The following RASGRF1 variants were observed in gnomAD, a reference collection of about 807,000 sequenced individuals.
RASGRF1 encodes the protein Ras protein specific guanine nucleotide releasing factor 1, also known as ras-specific guanine nucleotide-releasing factor 1.
RASGRF1 carries 40 observed loss-of-function variants against 138.7 expected under a neutral mutation model. The observed-to-expected ratio is 0.29, with a 90% CI of 0.22 to 0.38. The LOEUF is 0.38. Among genes scored for constraint, RASGRF1 ranks in the 10% least tolerant of loss-of-function variants. The pLI is 1.00. For missense variants in RASGRF1, 1,108 were observed against 1,650.4 expected (o/e 0.67, Z 5.69); for synonymous variants, 614 against 663.2 (o/e 0.93, Z 1.14).
At chr15:79,085,097 T>A (rs1341224142) in intron 1 of RASGRF1, among the ~76,000 whole-genome samples, 1 of 152,212 alleles carries the variant, frequency 6.6e-6, no homozygotes, top group Non-Finnish European at 1.5e-5. Context: ...GGTTTGCAAC[T>A]GGCCAAATAC....
chr15:79,029,040 A>G lies in RASGRF1; in HGVS notation c.1263-1181T>C, dbSNP rs75570743. ...TGCCTGGCATGTGACAGCTGCTTAA[A>G]TAAAGGGTAGTGGTGATTGTTGTTG... On this transcript the variant is annotated intron_variant, in intron 8 of 26. Coordinates refer to ENST00000558480, the MANE Select transcript of RASGRF1 (RefSeq NM_001145648.3). Among the ~76,000 whole-genome samples, 458 of 152,372 alleles carry G rather than the reference A, an allele frequency of 3.0e-3. 2 individuals are homozygous for G. The highest frequency in any genetic ancestry group is 8.3e-3 in the African/African-American group (344 of 41,582).
intron 4 of RASGRF1, among the ~76,000 whole-genome samples, chr15:79,048,257 T>G (rs77451519): frequency 0.05 from 7,543 of 152,070 alleles, 674 homozygotes; most frequent in East Asian, 0.4. Flanking sequence ...TGAGGCTAGC[T>G]GGGGGTGGGG....
chr15:79,015,468 C>G, intron 12 of RASGRF1, 59 bp from the exon 13 acceptor site: 1 of 1,479,722 alleles, frequency 6.8e-7, no homozygotes, highest in South Asian at 1.1e-5. Context: ...CCAGGCCCAC[C>G]AGGAGCTCTG....
chr15:79,041,336 T>C (rs181398232), intron 5 of RASGRF1, among the ~76,000 whole-genome samples: 2 of 152,364 alleles, frequency 1.3e-5, no homozygotes, highest in East Asian at 3.9e-4. Context: ...CGAATGGTGC[T>C]CCCAGAATTG....
intron 1 of RASGRF1, among the ~76,000 whole-genome samples, chr15:79,088,380 G>T (rs1309472777): frequency 6.6e-6 from 1 of 152,136 alleles, no homozygotes; most frequent in African/African-American, 2.4e-5. Flanking sequence ...TTAATGTAGG[G>T]CTCTCAAAAC....
chr15:79,020,310 G>A (rs1044567173), intron 10 of RASGRF1, among the ~76,000 whole-genome samples: 4 of 152,244 alleles, frequency 2.6e-5, no homozygotes, highest in African/African-American at 9.6e-5. Context: ...CAATGAAGTG[G>A]GTCAAAGGAG....
At chr15:79,056,086 G>A (rs556391077) in intron 3 of RASGRF1, among the ~76,000 whole-genome samples, 2 of 152,244 alleles carry the variant, frequency 1.3e-5, no homozygotes, top group South Asian at 4.1e-4. Context: ...AGGGTGAGGC[G>A]TTTGAGCTTG....
At chr15:79,054,699 C>T (rs1408416882) in intron 3 of RASGRF1, among the ~76,000 whole-genome samples, 1 of 152,208 alleles carries the variant, frequency 6.6e-6, no homozygotes, top group Non-Finnish European at 1.5e-5. Context: ...TCAATGGACA[C>T]ACAGAGTCAG....
chr15:78,962,065 C>A lies in RASGRF1; in HGVS notation c.*79G>T. The A allele has an allele frequency of 1.1e-6, 1 of 872,822 alleles. No homozygotes were observed. Among genetic ancestry groups the A allele is most frequent in the South Asian group, 1.6e-5 (1 of 64,290 alleles). The allele number at this position is 872,822 out of a possible 1,614,324, so 54.1% of individuals were successfully genotyped here. On this transcript the variant is annotated 3_prime_UTR_variant, in exon 27 of 27. Transcript: ENST00000558480. Reference sequence around the variant, plus strand: ...AGAAGCACATACTGAAGAAGAAAATCCAGTGAAACCAAACGAATATGTACA... The same window carrying A: ...AGAAGCACATACTGAAGAAGAAAATACAGTGAAACCAAACGAATATGTACA...
At chr15:79,016,989 G>A (rs2056887834) in intron 12 of RASGRF1, among the ~76,000 whole-genome samples, 1 of 152,214 alleles carries the variant, frequency 6.6e-6, no homozygotes, top group East Asian at 1.9e-4. Context: ...GGATGGCCAA[G>A]GCTCCCAGCT....
rs775703368 is a variant in RASGRF1 at position 79,032,266 on chromosome 15, C to T, written c.1009G>A (p.Val337Ile). Residue 337 changes from valine (V) to isoleucine (I), a missense_variant, in exon 7 of 27, where the codon GTC becomes ATC. Coordinates refer to ENST00000558480, the MANE Select transcript of RASGRF1 (RefSeq NM_001145648.3). The surrounding 1 kb of genome is among the most constrained non-coding windows in gnomAD (Gnocchi z 4.5). The stretch of plus-strand genomic sequence containing the variant: ...TGCAGGCTGTACTGGTGGTTGCGGA[C>T]GAACTCTTGGTAGATGTTGAGCATG... ...LPMLNIYQEF[V>I]RNHQYSLQIL... 7 of 1,613,968 alleles carry T rather than the reference C, an allele frequency of 4.3e-6. No individual in the cohort carries two copies. Among genetic ancestry groups the T allele is most frequent in the Admixed American group, 1.7e-5 (1 of 60,002 alleles).
At chr15:79,067,364 C>T (rs1247513991) in intron 1 of RASGRF1, among the ~76,000 whole-genome samples, 3 of 152,154 alleles carry the variant, frequency 2.0e-5, no homozygotes, top group African/African-American at 7.2e-5. Context: ...TTGCACACAC[C>T]ACCTGACTAG....
intron 18 of RASGRF1, among the ~76,000 whole-genome samples, chr15:78,998,441 C>A (rs1297504597): frequency 1.3e-5 from 2 of 152,250 alleles, no homozygotes; most frequent in Non-Finnish European, 2.9e-5. Context: ...GCTGGCTGCA[C>A]CCCTGGGCCA....
chr15:78,990,344 T>G, intron 21 of RASGRF1, 71 bp from the exon 22 acceptor site: 1 of 1,080,974 alleles, frequency 9.3e-7, no homozygotes, highest in Non-Finnish European at 1.4e-6. Context: ...GCTCCATGCT[T>G]TTTATTTTAT....
At chr15:79,072,313 T>C (rs537303497) in intron 1 of RASGRF1, among the ~76,000 whole-genome samples, 2 of 129,432 alleles carry the variant, frequency 1.5e-5, no homozygotes, top group Admixed American at 1.9e-4. Context: ...TCTCACTCTG[T>C]TGCCCAGGCT....
intron 11 of RASGRF1, among the ~76,000 whole-genome samples, chr15:79,018,352 G>T (rs2056910952): frequency 6.6e-6 from 1 of 152,244 alleles, no homozygotes; most frequent in Admixed American, 6.5e-5. Flanking sequence ...TATGGATTGG[G>T]CTGGACATTT....
intron 11 of RASGRF1, among the ~76,000 whole-genome samples, chr15:79,019,523 C>G (rs936498335): frequency 2.0e-5 from 3 of 152,194 alleles, no homozygotes; most frequent in African/African-American, 7.2e-5. Flanking sequence ...ATGGTTCTCT[C>G]TCTCAGGACC....
intron 14 of RASGRF1, chr15:79,005,554 G>A (rs2056651715): frequency 1.0e-6 from 1 of 985,864 alleles, no homozygotes; most frequent in Non-Finnish European, 1.2e-6. Flanking sequence ...TTGGCCTACT[G>A]CTGGACAGCC....
intron 1 of RASGRF1, among the ~76,000 whole-genome samples, chr15:79,081,743 G>A (rs2057916793): frequency 6.6e-6 from 1 of 152,144 alleles, no homozygotes; most frequent in Admixed American, 6.5e-5. Flanking sequence ...CTCCAGGGAG[G>A]GCCCCTGCTG....
Sources: gnomAD v4.1 joint callset for allele counts (sites outside exome capture counted in the v4.1 genomes callset) on GRCh38, gnomAD v4.1.1 for gene constraint, Gnocchi (gnomAD v3.1) non-coding constraint, MANE v1.5 for transcripts, NCBI Gene and HGNC (gene_info 2026-07-23, HGNC 2026-07-21) for gene names.